The following ZAN variants were observed in gnomAD, a reference collection of about 807,000 sequenced individuals.
ZAN encodes the protein zonadhesin (gene/pseudogene).
In ZAN, 260 loss-of-function variants were observed where a neutral mutation model predicts 286.2. The observed-to-expected ratio is 0.91, with a 90% CI of 0.82 to 1.01. The LOEUF is 1.01. ZAN is among the 50% of genes least tolerant of loss of function. The pLI is 0.00. For missense variants in ZAN, 3,410 were observed against 3,639.2 expected, an observed-to-expected ratio of 0.94 and a Z score of 1.62; for synonymous variants, 1,368 against 1,417.5, an observed-to-expected ratio of 0.97 and a Z score of 0.79.
intron 42 of ZAN, among the ~76,000 whole-genome samples, chr7:100,793,333 T>TC (rs1812123645): frequency 1.3e-5 from 2 of 151,702 alleles, no homozygotes; most frequent in South Asian, 4.2e-4. Flanking sequence ...ACAGAGTGAC[T>TC]CCATCTCTAA....
intron 39 of ZAN, 65 bp from the exon 40 acceptor site, chr7:100,790,877 T>C: frequency 2.3e-6 from 3 of 1,281,514 alleles, no homozygotes; most frequent in Non-Finnish European, 3.1e-6. Flanking sequence ...AGCAAGACTG[T>C]CTAAAAAAAA....
chr7:100,775,721 G>A lies in ZAN; in HGVS notation c.6080G>A (p.Ser2027Asn). The part of the protein sequence containing the change: ...LPAISQIPGV[S>N]VKSSSIYSIV... ...GCCATCTCCCAGATCCCTGGGGTCAGTGTCAAGTCCAGCAGCATCTACAGC... is the reference window on the plus strand; with the variant it reads ...GCCATCTCCCAGATCCCTGGGGTCAATGTCAAGTCCAGCAGCATCTACAGC... The change falls in exon 33 of 48, where the codon AGT (serine) becomes AAT (asparagine). Residue 2027 changes from serine to asparagine, a missense_variant. Ser to Asn is a conservative substitution (Grantham distance 46, BLOSUM62 1). This residue lies in a region of ZAN where 1,289 missense variants were observed against 1,314.3 expected (regional missense o/e 0.98). Transcript: ENST00000613979. The A allele has an allele frequency of 6.2e-7, 1 of 1,613,882 alleles. No homozygotes were observed.
At chr7:100,746,733 T>G (rs1433323138) in intron 8 of ZAN, 31 bp downstream of exon 8, 1 of 1,609,308 alleles carries the variant, frequency 6.2e-7, no homozygotes. Flanking sequence ...GGATTTACAC[T>G]GATCTGGGCG....
In ZAN at chr7:100,775,694, C is replaced by T. The variant is rs747152610; in HGVS notation, c.6053C>T (p.Pro2018Leu). The change falls in exon 33 of 48, where the codon CCC becomes CTC. Residue 2018 changes from proline (P) to leucine (L), a missense_variant. By Grantham distance (98) the Pro-to-Leu change is moderately conservative. Coordinates refer to ENST00000613979, the MANE Select transcript of ZAN (RefSeq NM_003386.3). Reference sequence around the variant, plus strand: ...ATCAACAGCAAACAGGTCACCCTCCCCGCCATCTCCCAGATCCCTGGGGTC... The same window carrying T: ...ATCAACAGCAAACAGGTCACCCTCCTCGCCATCTCCCAGATCCCTGGGGTC... ...VLINSKQVTL[P>L]AISQIPGVSV... 6.2e-7 allele frequency: 1 copy of T among 1,613,958 alleles called. No individual in the cohort carries two copies. The highest frequency in any genetic ancestry group is 2.2e-5 in the East Asian group (1 of 44,858).
At chr7:100,788,945 C>T (rs376544469) in intron 38 of ZAN, among the ~76,000 whole-genome samples, 30 of 152,194 alleles carry the variant, frequency 2.0e-4, no homozygotes, top group African/African-American at 4.6e-4. Flanking sequence ...GTGATCCGCC[C>T]GACTCGGCCT....
At chr7:100,761,519 A>G (rs1478702710) in intron 19 of ZAN, among the ~76,000 whole-genome samples, 1 of 152,092 alleles carries the variant, frequency 6.6e-6, no homozygotes, top group African/African-American at 2.4e-5. Context: ...CTGTAGTCTC[A>G]GCTACTCAGG....
At chr7:100,762,160 C>T (rs1809628610) in intron 19 of ZAN, 55 bp from the exon 20 acceptor site, 4 of 1,605,288 alleles carry the variant, frequency 2.5e-6, no homozygotes, top group South Asian at 1.1e-5. Context: ...CACTGCCCCT[C>T]GAGGACCGAG....
At chr7:100,794,751 C>G (rs767037860) in intron 44 of ZAN, among the ~76,000 whole-genome samples, 20 of 151,772 alleles carry the variant, frequency 1.3e-4, no homozygotes, top group Non-Finnish European at 2.5e-4. Context: ...GTGGGAAGAT[C>G]ACTTAAGCCC....
chr7:100,779,489 C>T lies in ZAN; in HGVS notation c.6361C>T (p.Gln2121Ter). The change falls in exon 35 of 48, where the codon CAG (glutamine) becomes TAG (stop). Residue 2121 changes from glutamine (Q) to a stop codon, truncating the protein, a stop_gained. Transcript: ENST00000613979. LOFTEE classifies it high-confidence loss of function. The part of the protein sequence containing the change: ...LVDEQQIPAE[Q>*]QENPSGNCRA... ...AGATGAGCAGCAGATTCCAGCGGAA[C>T]AGCAGGAGAACCCGAGTGGAAACTG... 1.2e-6 allele frequency: 2 copies of T among 1,611,858 alleles called. No homozygotes were observed. Among genetic ancestry groups the T allele is most frequent in the South Asian group, 2.2e-5 (2 of 90,822 alleles).
Position 100,737,453 on chromosome 7 carries a change from T to A in ZAN, c.613+104T>A, listed in dbSNP as rs1392381987. 3.0e-5 allele frequency: 25 copies of A among 828,044 alleles called. 4 individuals are homozygous for A. The highest frequency in any genetic ancestry group is 4.3e-5 in the Non-Finnish European group (24 of 552,448). 51.3% of individuals were successfully genotyped at this position (828,044 alleles called of 1,614,324 possible). A position where few individuals can be genotyped will look rare whatever the true frequency, so the allele number is the denominator to read the frequency against. ...CGGGCGCGGTGGCTCATGCCTGTAATCCCAGCACTTTGGGAGGCCGAGGCG... is the reference window on the plus strand; with the variant it reads ...CGGGCGCGGTGGCTCATGCCTGTAAACCCAGCACTTTGGGAGGCCGAGGCG... On this transcript the variant is annotated intron_variant, in intron 6 of 47. Coordinates refer to ENST00000613979, the MANE Select transcript of ZAN (RefSeq NM_003386.3).
chr7:100,752,930 C>T lies in ZAN; in HGVS notation c.2825C>T (p.Thr942Ile). 6.2e-7 allele frequency: 1 copy of T among 1,611,716 alleles called. No homozygotes were observed. Among genetic ancestry groups the T allele is most frequent in the Non-Finnish European group, 8.5e-7 (1 of 1,179,156 alleles). Reference sequence around the variant, plus strand: ...ACTACCATCTCCACAGAAAAACTCACCATCCCCACAGAAAAACCCACCATC... The same window carrying T: ...ACTACCATCTCCACAGAAAAACTCATCATCCCCACAGAAAAACCCACCATC... ...EETTISTEKL[T>I]IPTEKPTISP... The change falls in exon 14 of 48, where the codon ACC (threonine) becomes ATC (isoleucine). Residue 942 changes from threonine to isoleucine, a missense_variant. Thr to Ile is a moderately conservative substitution (Grantham distance 89). Coordinates refer to ENST00000613979, the MANE Select transcript of ZAN (RefSeq NM_003386.3).
At position 100,762,417 on chromosome 7, in the gene ZAN, CTCTT is replaced by C. The variant is rs1319308741; in HGVS notation, c.3986+61_3986+64del. On this transcript the variant is annotated intron_variant, in intron 20 of 47. Transcript: ENST00000613979. ...AAGGTTCCGTCCCCTTCCTGGAACTCTCTTTTTTTTTTTTTTTTTTTTTTTTGAG... is the reference window on the plus strand; with the variant it reads ...AAGGTTCCGTCCCCTTCCTGGAACTCTTTTTTTTTTTTTTTTTTTTTTGAG... The C allele has an allele frequency of 1.4e-5, 15 of 1,063,384 alleles. No homozygotes were observed. The African/African-American group carries it at 1.7e-4, about 12-fold the overall frequency. 65.9% of individuals were successfully genotyped at this position (1,063,384 alleles called of 1,614,324 possible).
chr7:100,739,429 G>C (rs141631947), intron 7 of ZAN, among the ~76,000 whole-genome samples: 1,829 of 138,628 alleles, frequency 0.013, 271 homozygotes, highest in African/African-American at 0.044. Context: ...TGTGGTAGCG[G>C]GGGGGCAGTT....
At chr7:100,759,445 A>G (rs145031005) in intron 17 of ZAN, among the ~76,000 whole-genome samples, 1 of 152,158 alleles carries the variant, frequency 6.6e-6, no homozygotes, top group Non-Finnish European at 1.5e-5. Flanking sequence ...AGTTAAAAAC[A>G]AAAAAGCAAA....
At chr7:100,762,419 C>G in intron 20 of ZAN, 61 bp downstream of exon 20, 1 of 1,016,818 alleles carries the variant, frequency 9.8e-7, no homozygotes, top group Non-Finnish European at 1.2e-6. Flanking sequence ...CTGGAACTCT[C>G]TTTTTTTTTT....
At chr7:100,759,671 G>C (rs1809401098) in intron 17 of ZAN, 50 bp from the exon 18 acceptor site, 1 of 1,539,176 alleles carries the variant, frequency 6.5e-7, no homozygotes, top group Non-Finnish European at 8.8e-7. Context: ...GCTCGCGGCA[G>C]ATGTTCAGAA....
chr7:100,744,424 C>G (rs900697717), intron 7 of ZAN, among the ~76,000 whole-genome samples: 1 of 150,498 alleles, frequency 6.6e-6, no homozygotes, highest in Non-Finnish European at 1.5e-5. Flanking sequence ...CATAGCGAAA[C>G]CCGTCTCTAC....
At chr7:100,739,428 G>C (rs923154012) in intron 7 of ZAN, among the ~76,000 whole-genome samples, 1 of 137,772 alleles carries the variant, frequency 7.3e-6, no homozygotes, top group Admixed American at 7.2e-5. Flanking sequence ...GTGTGGTAGC[G>C]GGGGGGCAGT....
chr7:100,741,150 G>C (rs1171862076), intron 7 of ZAN, among the ~76,000 whole-genome samples: 1 of 42,012 alleles, frequency 2.4e-5, no homozygotes, highest in Non-Finnish European at 5.8e-5. Context: ...CTGGCCGGGC[G>C]GGGGGCTGAC....
Sources: gnomAD v4.1 joint callset for allele counts (sites outside exome capture counted in the v4.1 genomes callset) on GRCh38, gnomAD v4.1.1 for gene constraint, gnomAD v4.1.1 regional missense constraint, MANE v1.5 for transcripts, NCBI Gene and HGNC (gene_info 2026-07-23, HGNC 2026-07-21) for gene names.